IL3RA: variants seen among roughly 807,000 people sequenced by gnomAD.
The protein encoded by IL3RA is interleukin 3 receptor subunit alpha, also known as interleukin-3 receptor subunit alpha.
In IL3RA, 73 loss-of-function variants were observed where a neutral mutation model predicts 52.3. The ratio of observed to expected loss-of-function variants is 1.40; its 90% CI spans 1.16 to 1.70. The LOEUF (loss-of-function observed/expected upper bound fraction) is 1.70, where lower values mean the gene tolerates loss of function less well. Ranked by LOEUF, IL3RA falls within the 40% of genes most tolerant of loss-of-function variation. The probability of loss-of-function intolerance (pLI) is 0.00; values close to 1 mark genes in which losing one functional copy is unlikely to be tolerated. For synonymous variants in IL3RA, 260 were observed against 194.0 expected (o/e 1.34, Z -2.83); for missense variants, 664 against 504.4 (o/e 1.32, Z -3.03).
chrX:1,364,909 A>G (rs1168141102), intron 8 of IL3RA, among the ~76,000 whole-genome samples: 4 of 151,778 alleles, frequency 2.6e-5, no homozygotes, highest in African/African-American at 9.7e-5. Flanking sequence ...CTCAGGTTTA[A>G]GCTATTCTCC....
At chrX:1,359,021 G>A in intron 8 of IL3RA, 134 bp downstream of exon 8, 1 of 652,668 alleles carries the variant, frequency 1.5e-6, no homozygotes, top group Non-Finnish European at 2.2e-6. Flanking sequence ...AATAATAAAT[G>A]TTATTATTCA....
At chrX:1,345,493 A>G (rs776727846) in intron 3 of IL3RA, 59 bp downstream of exon 3, 27 of 1,187,636 alleles carry the variant, frequency 2.3e-5, no homozygotes, top group Non-Finnish European at 2.7e-5. Context: ...GTATTTATGT[A>G]TTTATTTATT....
intron 7 of IL3RA, among the ~76,000 whole-genome samples, 172 bp downstream of exon 7, chrX:1,356,508 G>A (rs1157787114): frequency 2.0e-5 from 3 of 152,112 alleles, no homozygotes; most frequent in East Asian, 1.9e-4. Flanking sequence ...TGTGGCTCAC[G>A]CCTGTCATCC....
intron 8 of IL3RA, among the ~76,000 whole-genome samples, chrX:1,362,048 ATC>A (rs1423073921): frequency 2.0e-5 from 3 of 148,010 alleles, no homozygotes; most frequent in South Asian, 4.3e-4. Context: ...GTCTCTTTGT[ATC>A]TCTGTCTCTC....
rs2086408504 is a variant in IL3RA at position 1,354,035 on chromosome X, CTCA to C, written c.616+1534_616+1536del. On this transcript the variant is annotated intron_variant, in intron 6 of 11. Coordinates refer to ENST00000331035, the MANE Select transcript of IL3RA (RefSeq NM_002183.4). ...AGTCATGGAATCCCTCATCATGGGT[CTCA>C]TCATGGGCCATGGGTCCCACCATGG... Among the ~76,000 whole-genome samples the C allele has an allele frequency of 3.6e-5, 5 of 137,026 alleles. No homozygotes were observed. The South Asian group carries it at 1.2e-3, about 33-fold the overall frequency. 89.9% of individuals were successfully genotyped at this position (137,026 alleles called of 152,430 possible). A position where few individuals can be genotyped will look rare whatever the true frequency, so the allele number is the denominator to read the frequency against.
chrX:1,344,670 G>A (rs1217397200), intron 2 of IL3RA, among the ~76,000 whole-genome samples: 2 of 151,584 alleles, frequency 1.3e-5, no homozygotes, highest in African/African-American at 4.9e-5. Flanking sequence ...CTACTCGGGA[G>A]GCTGAGGCAG....
At chrX:1,356,473 AAAAC>A (rs1191779899) in intron 7 of IL3RA, 137 bp downstream of exon 7, 11 of 637,006 alleles carry the variant, frequency 1.7e-5, no homozygotes, top group Non-Finnish European at 3.1e-5. Flanking sequence ...TTAAAAAACA[AAAAC>A]AAAAACAAAA....
chrX:1,381,989 G>A (rs371062033), intron 11 of IL3RA, among the ~76,000 whole-genome samples: 9 of 151,102 alleles, frequency 6.0e-5, no homozygotes, highest in East Asian at 2.0e-4. Context: ...TCGTTGCCCC[G>A]GCTGGAGTGC....
At chrX:1,360,228 GTC>G (rs1403086770) in intron 8 of IL3RA, among the ~76,000 whole-genome samples, 5 of 38,196 alleles carry the variant, frequency 1.3e-4, no homozygotes, top group Non-Finnish European at 2.0e-4. Flanking sequence ...CTTTCTCTGT[GTC>G]TGTCTCTGTA....
chrX:1,378,841 G>T, intron 10 of IL3RA, 77 bp downstream of exon 10: 7 of 1,296,108 alleles, frequency 5.4e-6, no homozygotes, highest in Middle Eastern at 2.5e-4. Flanking sequence ...ACCATCCTGA[G>T]AATTATCATT....
At chrX:1,361,678 G>A (rs1214983422) in intron 8 of IL3RA, among the ~76,000 whole-genome samples, 10 of 150,556 alleles carry the variant, frequency 6.6e-5, no homozygotes, top group East Asian at 5.9e-4. Flanking sequence ...GCTTGAACCC[G>A]GGAGGCAGAG....
intron 6 of IL3RA, among the ~76,000 whole-genome samples, chrX:1,352,804 G>A (rs1353302787): frequency 1.3e-5 from 2 of 152,030 alleles, no homozygotes; most frequent in Non-Finnish European, 2.9e-5. Flanking sequence ...TCCCATCATG[G>A]GTCATAGGAT....
At position 1,365,243 on chromosome X, in the gene IL3RA, CA is replaced by C; in HGVS notation, c.866del (p.Gln289ArgfsTer21). ...YEFLSAWSTP[Q>X]RFECDQEEGA... ...ATTCTTGAGCGCCTGGAGCACCCCC[CA>C]GCGCTTCGGTGAGTGGGCTGTGCGG... On this transcript the variant is annotated frameshift_variant, in exon 9 of 12. Transcript: ENST00000331035. LOFTEE classifies it high-confidence loss of function. 1 of 1,602,026 alleles carries C rather than the reference CA, an allele frequency of 6.2e-7. No individual in the cohort carries two copies. Among genetic ancestry groups the C allele is most frequent in the Non-Finnish European group, 8.5e-7 (1 of 1,173,214 alleles).
In IL3RA at chrX:1,348,299, G is replaced by C. The variant is rs1384399856; in HGVS notation, c.184-132G>C. ...ACCCGGGAGGGAGAGGCTGCAGTGA[G>C]CCGAGATCACGCCACTGCACTCCAG... On this transcript the variant is annotated intron_variant, in intron 3 of 11. Transcript: ENST00000331035. 6.2e-5 allele frequency: 45 copies of C among 726,060 alleles called. 1 individual carries two copies. The East Asian group carries it at 1.0e-3, about 17-fold the overall frequency. 45.0% of individuals were successfully genotyped at this position (726,060 alleles called of 1,614,324 possible). A position where few individuals can be genotyped will look rare whatever the true frequency, so the allele number is the denominator to read the frequency against.
intron 11 of IL3RA, among the ~76,000 whole-genome samples, chrX:1,381,429 G>T (rs1222915327): frequency 6.6e-6 from 1 of 152,090 alleles, no homozygotes; most frequent in Non-Finnish European, 1.5e-5. Context: ...TGCTGGCGCT[G>T]GTGGGCGGCT....
chrX:1,349,067 G>C (rs1330988797), intron 4 of IL3RA, among the ~76,000 whole-genome samples: 30 of 151,208 alleles, frequency 2.0e-4, no homozygotes, highest in African/African-American at 7.1e-4. Flanking sequence ...GAGCGCAGTG[G>C]TGCAATCACA....
intron 9 of IL3RA, among the ~76,000 whole-genome samples, chrX:1,376,702 A>C (rs2088763054): frequency 8.0e-6 from 1 of 124,740 alleles, no homozygotes; most frequent in African/African-American, 3.3e-5. Context: ...CCCTGCCCAC[A>C]CCTGGATCTC....
intron 3 of IL3RA, among the ~76,000 whole-genome samples, chrX:1,346,423 G>A (rs1855878639): frequency 6.7e-6 from 1 of 148,684 alleles, no homozygotes; most frequent in Admixed American, 6.7e-5. Context: ...TGGGGGACGA[G>A]AGCAAGACTT....
chrX:1,360,824 G>A (rs763955430), intron 8 of IL3RA, among the ~76,000 whole-genome samples: 225 of 150,772 alleles, frequency 1.5e-3, no homozygotes, highest in Middle Eastern at 0.014. Flanking sequence ...CACCGTGCCC[G>A]GCCCCTCTCT....
Sources: gnomAD v4.1 joint callset for allele counts (sites outside exome capture counted in the v4.1 genomes callset) on GRCh38, gnomAD v4.1.1 for gene constraint, MANE v1.5 for transcripts, NCBI Gene and HGNC (gene_info 2026-07-23, HGNC 2026-07-21) for gene names.